The following DMBT1 variants were observed in gnomAD, a reference collection of about 807,000 sequenced individuals.
The protein encoded by DMBT1 is scavenger receptor cysteine-rich domain-containing protein DMBT1.
Under a neutral mutation model 252.9 loss-of-function variants are expected in DMBT1, and 198 were observed. That is an observed-to-expected ratio of 0.78 (90% CI 0.70 to 0.88). DMBT1 has a LOEUF of 0.88. Among genes scored for constraint, DMBT1 ranks in the 40% least tolerant of loss-of-function variants. The pLI, the probability that DMBT1 is intolerant of heterozygous loss-of-function variation, is 0.00. For missense variants in DMBT1, 2,432 were observed against 2,404.7 expected (o/e 1.01, Z -0.24); for synonymous variants, 990 against 942.7 (o/e 1.05, Z -0.92).
At chr10:122,636,230 G>T in intron 53 of DMBT1, 31 bp downstream of exon 53, 1 of 1,568,296 alleles carries the variant, frequency 6.4e-7, no homozygotes, top group Non-Finnish European at 8.8e-7. Flanking sequence ...GCTCTGTTGG[G>T]ACTGGGGACA....
At chr10:122,629,775 T>C (rs1234980964) in intron 46 of DMBT1, 65 bp from the exon 47 acceptor site, 1 of 1,565,124 alleles carries the variant, frequency 6.4e-7, no homozygotes, top group African/African-American at 1.4e-5. Context: ...CTTACACAGA[T>C]GATTCCTTGT....
chr10:122,628,632 A>G (rs2098135556), intron 46 of DMBT1, among the ~76,000 whole-genome samples: 2 of 152,222 alleles, frequency 1.3e-5, no homozygotes, highest in Non-Finnish European at 2.9e-5. Flanking sequence ...GCGAAACTCC[A>G]TCTCAAAACA....
intron 44 of DMBT1, among the ~76,000 whole-genome samples, chr10:122,622,399 A>G (rs2098078983): frequency 1.3e-5 from 2 of 152,214 alleles, no homozygotes. Flanking sequence ...AAAGGAATTC[A>G]TTGTCTCAGT....
intron 5 of DMBT1, among the ~76,000 whole-genome samples, chr10:122,573,178 C>T (rs929824730): frequency 6.6e-6 from 1 of 152,206 alleles, no homozygotes; most frequent in Non-Finnish European, 1.5e-5. Context: ...TGCCACCATG[C>T]CTGGGGTGTG....
At position 122,593,421 on chromosome 10, in the gene DMBT1, G is replaced by A. The variant is rs1268314620; in HGVS notation, c.2501-148G>A. On this transcript the variant is annotated intron_variant, in intron 20 of 55. Transcript: ENST00000338354. ...GACCCCTTACACGGTGCATCTCTGT[G>A]GGGATGTGCATGGCAATGTCCCTCC... The A allele has an allele frequency of 1.3e-5, 13 of 1,036,020 alleles. 1 individual carries two copies. Among genetic ancestry groups the A allele is most frequent in the Middle Eastern group, 4.1e-4 (2 of 4,926 alleles). The allele number at this position is 1,036,020 out of a possible 1,614,324, so 64.2% of individuals were successfully genotyped here.
At chr10:122,566,076 CA>C (rs1471661145) in intron 2 of DMBT1, 80 bp downstream of exon 2, 1 of 1,459,904 alleles carries the variant, frequency 6.8e-7, no homozygotes, top group Non-Finnish European at 9.6e-7. Flanking sequence ...TGAGGCTGAG[CA>C]CAGCTGAGGT....
At position 122,633,178 on chromosome 10, in the gene DMBT1, T is replaced by G. The variant is rs2098180190; in HGVS notation, c.6398-13T>G. On this transcript the variant is annotated splice_polypyrimidine_tract_variant and intron_variant, in intron 51 of 55. Transcript: ENST00000338354. ...CTGGGGGTCACCGACATTCCCACTT[T>G]TTGTCCTGACAGCAGATTATTCCTG... The G allele has an allele frequency of 1.2e-6, 2 of 1,613,588 alleles. No individual in the cohort carries two copies. The highest frequency in any genetic ancestry group is 1.7e-6 in the Non-Finnish European group (2 of 1,179,642).
chr10:122,598,740 G>C (rs372062613), intron 25 of DMBT1, 34 bp from the exon 26 acceptor site: 24 of 1,612,224 alleles, frequency 1.5e-5, no homozygotes, highest in Non-Finnish European at 2.0e-5. Flanking sequence ...CCTCATGATA[G>C]GGATGGATGA....
chr10:122,600,217 A>T, intron 27 of DMBT1, 124 bp downstream of exon 27: 2 of 1,365,348 alleles, frequency 1.5e-6, no homozygotes, highest in South Asian at 1.4e-5. Context: ...TTCTACCCCC[A>T]ACACCAGTTG....
Position 122,560,849 on chromosome 10 carries a change from T to G in DMBT1, c.61+18T>G, listed in dbSNP as rs1348500348. 1 of 1,538,190 alleles carries G rather than the reference T, an allele frequency of 6.5e-7. No individual in the cohort carries two copies. Among genetic ancestry groups the G allele is most frequent in the East Asian group, 2.4e-5 (1 of 41,388 alleles). ...ATCTACAGGTATTACGTTTAATTAT[T>G]ATATTCATTAATTTCTCTCCTGCAG... On this transcript the variant is annotated intron_variant, in intron 1 of 55. Transcript: ENST00000338354.
intron 4 of DMBT1, 21 bp downstream of exon 4, chr10:122,570,958 T>G: frequency 6.2e-7 from 1 of 1,611,002 alleles, no homozygotes. Flanking sequence ...CTATGGGGGA[T>G]CCCTGTGGGC....
intron 54 of DMBT1, among the ~76,000 whole-genome samples, chr10:122,637,916 G>A (rs986442887): frequency 2.0e-5 from 3 of 152,142 alleles, no homozygotes; most frequent in African/African-American, 7.2e-5. Flanking sequence ...TGAAAGTGAA[G>A]CCAATATGGT....
rs771825736 is a variant in DMBT1, at chr10:122,592,154, A to G, written c.2177-118A>G. 9 of 1,454,380 alleles carry G rather than the reference A, an allele frequency of 6.2e-6. 1 individual carries two copies. The highest frequency in any genetic ancestry group is 8.4e-6 in the Non-Finnish European group (9 of 1,074,714). The allele number at this position is 1,454,380 out of a possible 1,614,324, so 90.1% of individuals were successfully genotyped here. ...TGAACCTCTGGTTGCAGTCGTATTC[A>G]ATCGTGACTGCTTGTCCAGGCGACC... On this transcript the variant is annotated intron_variant, in intron 19 of 55. Coordinates refer to ENST00000338354, the MANE Select transcript of DMBT1 (RefSeq NM_001377530.1).
At position 122,643,274 on chromosome 10, in the gene DMBT1, G is replaced by T. The variant is rs193149514; in HGVS notation, c.7505G>T (p.Arg2502Leu). The change falls in exon 56 of 56, where the codon CGC becomes CTC. Residue 2502 changes from arginine to leucine, a missense_variant. By Grantham distance (102) the Arg-to-Leu change is moderately radical. Transcript: ENST00000338354. Reference protein sequence around the residue: ...VVCRAYDPSSRCYRGCVLRSK... With the variant: ...VVCRAYDPSSLCYRGCVLRSK... ...TGCAGAGCGTATGACCCCTCTTCCC[G>T]CTGCTACCGAGGCTGTGTGTTGAGG... 3.8e-5 allele frequency: 61 copies of T among 1,613,822 alleles called. No individual in the cohort carries two copies. Among genetic ancestry groups the T allele is most frequent in the Non-Finnish European group, 4.9e-5 (58 of 1,179,894 alleles).
In DMBT1 at chr10:122,568,195, C is replaced by T. The variant is rs1236837593; in HGVS notation, c.92-1967C>T. Among the ~76,000 whole-genome samples the T allele has an allele frequency of 2.0e-5, 3 of 152,044 alleles. No homozygotes were observed. In the East Asian group the frequency reaches 5.8e-4, roughly 30 times the overall value. On this transcript the variant is annotated intron_variant, in intron 2 of 55. Transcript: ENST00000338354. ...TCGAATATGATGCCCTTATTCCCAG[C>T]ATGGTTAATATGGAGCATGATGACA...
chr10:122,634,079 G>T (rs2133681634), intron 52 of DMBT1, among the ~76,000 whole-genome samples: 1 of 152,282 alleles, frequency 6.6e-6, no homozygotes, highest in South Asian at 2.1e-4. Flanking sequence ...TGAAGGTTGT[G>T]GTGAACTATG....
Position 122,630,974 on chromosome 10 carries a change from G to A in DMBT1, c.6039G>A (p.Arg2013=), listed in dbSNP as rs574017065. Reference sequence around the variant, plus strand: ...TGTGTCTTTCAGATGCCACCTTGAGGTTGGTCAATTTAAATTCATCCTATG... The same window carrying A: ...TGTGTCTTTCAGATGCCACCTTGAGATTGGTCAATTTAAATTCATCCTATG... ...YNSFPSDATL[R]LVNLNSSYGL... Residue 2013 remains arginine, a synonymous_variant, in exon 49 of 56, where the codon AGG becomes AGA. Transcript: ENST00000338354. 22 of 1,600,956 alleles carry A rather than the reference G, an allele frequency of 1.4e-5. No individual in the cohort carries two copies. The East Asian group carries it at 4.5e-4, about 33-fold the overall frequency.
intron 54 of DMBT1, among the ~76,000 whole-genome samples, chr10:122,637,928 T>C (rs1349497909): frequency 1.3e-5 from 2 of 152,182 alleles, no homozygotes; most frequent in Non-Finnish European, 2.9e-5. Context: ...CAATATGGTG[T>C]GTCCCTTCTC....
At chr10:122,573,302 C>A (rs1439249152) in intron 5 of DMBT1, among the ~76,000 whole-genome samples, 1 of 86,412 alleles carries the variant, frequency 1.2e-5, no homozygotes, top group Admixed American at 1.4e-4. Context: ...GGTTTTCTTT[C>A]GAAACCACCT....
Sources: gnomAD v4.1 joint callset for allele counts (sites outside exome capture counted in the v4.1 genomes callset) on GRCh38, gnomAD v4.1.1 for gene constraint, MANE v1.5 for transcripts, NCBI Gene and HGNC (gene_info 2026-07-23, HGNC 2026-07-21) for gene names.